Variants in STIMATE observed in about 807,000 individuals in gnomAD.
STIMATE encodes store-operated calcium entry regulator STIMATE.
Under a neutral mutation model 36.7 loss-of-function variants are expected in STIMATE, and 15 were observed. The observed-to-expected ratio is 0.41, with a 90% CI of 0.27 to 0.63. The LOEUF (loss-of-function observed/expected upper bound fraction) is 0.63. Ranked by LOEUF, STIMATE falls within the 20% of genes least tolerant of loss-of-function variation. The probability of loss-of-function intolerance (pLI) is 0.32; values close to 1 mark genes in which losing one functional copy is unlikely to be tolerated. For synonymous variants in STIMATE, 163 were observed against 162.3 expected, an observed-to-expected ratio of 1.00 and a Z score of -0.03; for missense variants, 305 against 397.3, an observed-to-expected ratio of 0.77 and a Z score of 1.98.
At position 52,859,531 on chromosome 3, in the gene STIMATE, A is replaced by AAAAAAATT. The variant is rs748928249; in HGVS notation, c.161-4088_161-4087insAATTTTTT. 4.1e-3 allele frequency among the ~76,000 whole-genome samples: 77 copies of AAAAAAATT among 18,824 alleles called. 3 individuals carry two copies. Among genetic ancestry groups the AAAAAAATT allele is most frequent in the East Asian group, 7.8e-3 (3 of 384 alleles). 12.3% of individuals were successfully genotyped at this position (18,824 alleles called of 152,430 possible). A position where few individuals can be genotyped will look rare whatever the true frequency, so the allele number is the denominator to read the frequency against. ...AAAAAAAAAAAAAAAAAAAAAAAAAATTTTTTTTTTTTTTTTTTTTTTGCT... is the reference window on the plus strand; with the variant it reads ...AAAAAAAAAAAAAAAAAAAAAAAAAAAAAAAATTTTTTTTTTTTTTTTTTTTTTTTGCT... On this transcript the variant is annotated intron_variant, in intron 1 of 7. Coordinates refer to ENST00000355083, the MANE Select transcript of STIMATE (RefSeq NM_198563.5).
intron 1 of STIMATE, among the ~76,000 whole-genome samples, chr3:52,869,430 C>T (rs10865977): frequency 0.51 from 77,014 of 152,132 alleles, 21,265 homozygotes; most frequent in East Asian, 0.62. Context: ...GTCCCCTTGG[C>T]GTGGGAGGGG....
At chr3:52,857,630 A>G (rs1701128268) in intron 1 of STIMATE, among the ~76,000 whole-genome samples, 1 of 152,118 alleles carries the variant, frequency 6.6e-6, no homozygotes, top group South Asian at 2.1e-4. Flanking sequence ...GCTGCAATTT[A>G]CTTCTGAGTG....
chr3:52,866,932 A>G (rs1310274347), intron 1 of STIMATE, among the ~76,000 whole-genome samples: 1 of 152,216 alleles, frequency 6.6e-6, no homozygotes, highest in Non-Finnish European at 1.5e-5. Context: ...GCAGCCCAAG[A>G]GATGCAGGGA....
chr3:52,894,756 T>C (rs182666165), intron 1 of STIMATE, among the ~76,000 whole-genome samples: 1 of 152,194 alleles, frequency 6.6e-6, no homozygotes, highest in Non-Finnish European at 1.5e-5. Flanking sequence ...AACAATAGTG[T>C]TGGCCATCAG....
intron 4 of STIMATE, 106 bp downstream of exon 4, chr3:52,849,686 C>T: frequency 6.7e-7 from 1 of 1,491,796 alleles, no homozygotes; most frequent in African/African-American, 1.4e-5. Flanking sequence ...ACAATGGCAG[C>T]TCCCCAGCCA....
At chr3:52,854,750 T>C (rs1348437060) in intron 2 of STIMATE, among the ~76,000 whole-genome samples, 1 of 152,208 alleles carries the variant, frequency 6.6e-6, no homozygotes, top group Admixed American at 6.5e-5. Flanking sequence ...TACTTGCAAC[T>C]GGCATGAAGA....
intron 1 of STIMATE, among the ~76,000 whole-genome samples, chr3:52,862,544 A>C (rs908228573): frequency 8.5e-5 from 13 of 152,264 alleles, no homozygotes; most frequent in African/African-American, 2.9e-4. Context: ...GAAAAGGTGA[A>C]TATATGGAGA....
intron 1 of STIMATE, among the ~76,000 whole-genome samples, chr3:52,861,259 A>G (rs1701211257): frequency 1.3e-5 from 2 of 152,140 alleles, no homozygotes; most frequent in African/African-American, 4.8e-5. Flanking sequence ...GAGAGAGGGG[A>G]GAAGGGGAAG....
chr3:52,844,680 G>A, intron 5 of STIMATE, 149 bp downstream of exon 5: 2 of 744,026 alleles, frequency 2.7e-6, no homozygotes, highest in East Asian at 2.8e-5. Flanking sequence ...AAGCTCTTTG[G>A]AGTAGTTGCC....
intron 1 of STIMATE, among the ~76,000 whole-genome samples, chr3:52,873,202 G>A (rs1701438836): frequency 6.6e-6 from 1 of 152,214 alleles, no homozygotes; most frequent in Non-Finnish European, 1.5e-5. Flanking sequence ...TCCCCCAGGA[G>A]CAGGGCTGTG....
chr3:52,891,247 G>C (rs1324966547), intron 1 of STIMATE, among the ~76,000 whole-genome samples: 4 of 152,094 alleles, frequency 2.6e-5, no homozygotes, highest in African/African-American at 9.7e-5. Flanking sequence ...GGGTGTCTGG[G>C]GTCCCAGGGA....
At chr3:52,890,033 C>G (rs892214910) in intron 1 of STIMATE, among the ~76,000 whole-genome samples, 1 of 152,184 alleles carries the variant, frequency 6.6e-6, no homozygotes, top group Non-Finnish European at 1.5e-5. Flanking sequence ...CTTACCACCC[C>G]CTCCATGTCG....
chr3:52,896,455 A>C (rs921937984), intron 1 of STIMATE, among the ~76,000 whole-genome samples: 1 of 142,606 alleles, frequency 7.0e-6, no homozygotes, highest in Admixed American at 7.6e-5. Flanking sequence ...ACGATGAAAA[A>C]CAGAAGCCCC....
Position 52,897,474 on chromosome 3 carries a change from G to A in STIMATE, c.-24C>T, listed in dbSNP as rs902012994. ...ATGACAGGCCTCGCGGGAGGGGCGC[G>A]AGGGCCCAGGGCCCGCCCGGCCTCG... is the stretch of plus-strand genomic sequence containing the variant. On this transcript the variant is annotated 5_prime_UTR_variant, in exon 1 of 8. Coordinates refer to ENST00000355083, the MANE Select transcript of STIMATE (RefSeq NM_198563.5). The A allele has an allele frequency of 4.2e-5, 54 of 1,278,796 alleles. No homozygotes were observed. The highest frequency in any genetic ancestry group is 6.3e-5 in the African/African-American group (4 of 63,860). 79.2% of individuals were successfully genotyped at this position (1,278,796 alleles called of 1,614,324 possible).
chr3:52,855,922 C>T (rs1044689828), intron 1 of STIMATE, among the ~76,000 whole-genome samples: 1 of 152,190 alleles, frequency 6.6e-6, no homozygotes, highest in East Asian at 1.9e-4. Context: ...CGGTGTGACA[C>T]GTGCTAGAGA....
chr3:52,866,505 C>T (rs757672698), intron 1 of STIMATE, among the ~76,000 whole-genome samples: 15 of 152,254 alleles, frequency 9.9e-5, no homozygotes. Flanking sequence ...TGGTGGTGCT[C>T]ACTCTCCCAG....
chr3:52,884,536 G>A (rs576772331), intron 1 of STIMATE, among the ~76,000 whole-genome samples: 21 of 152,216 alleles, frequency 1.4e-4, no homozygotes, highest in East Asian at 5.8e-4. Context: ...GTGACCTACC[G>A]CGCCCGCCCA....
At position 52,897,485 on chromosome 3, in the gene STIMATE, G is replaced by C; in HGVS notation, c.-35C>G. ...CGCGGGAGGGGCGCGAGGGCCCAGG[G>C]CCCGCCCGGCCTCGCTGCCTGCCGG... On this transcript the variant is annotated 5_prime_UTR_variant, in exon 1 of 8. Transcript: ENST00000355083. The C allele has an allele frequency of 8.2e-7, 1 of 1,214,308 alleles. No homozygotes were observed. The highest frequency in any genetic ancestry group is 1.0e-6 in the Non-Finnish European group (1 of 977,680). The allele number at this position is 1,214,308 out of a possible 1,614,324, so 75.2% of individuals were successfully genotyped here.
At chr3:52,845,205 A>G (rs377235803) in intron 4 of STIMATE, among the ~76,000 whole-genome samples, 1 of 151,044 alleles carries the variant, frequency 6.6e-6, no homozygotes, top group Non-Finnish European at 1.5e-5. Flanking sequence ...AAAAAGCACT[A>G]AAGTTAGGAA....
Sources: allele counts gnomAD v4.1 joint callset (sites outside exome capture counted in the v4.1 genomes callset), GRCh38; gene constraint gnomAD v4.1.1; transcripts MANE v1.5; gene names NCBI Gene and HGNC (gene_info 2026-07-23, HGNC 2026-07-21).